CACNA1D: variants seen among roughly 807,000 people sequenced by gnomAD.
CACNA1D encodes calcium voltage-gated channel subunit alpha1 D.
CACNA1D carries 55 observed loss-of-function variants against 257.1 expected under a neutral mutation model. That is an observed-to-expected ratio of 0.21 (90% CI 0.17 to 0.27). CACNA1D has a LOEUF of 0.27. Among genes scored for constraint, CACNA1D ranks in the 10% least tolerant of loss-of-function variants. The pLI is 1.00. For missense variants in CACNA1D, 1,876 were observed against 2,784.0 expected (o/e 0.67, Z 7.34); for synonymous variants, 980 against 1,014.9 (o/e 0.97, Z 0.65).
chr3:53,694,988 C>T (rs976497698), intron 8 of CACNA1D, among the ~76,000 whole-genome samples: 2 of 152,142 alleles, frequency 1.3e-5, no homozygotes, highest in Non-Finnish European at 2.9e-5. Flanking sequence ...GAGTATGGGG[C>T]GCATACCATT....
intron 9 of CACNA1D, among the ~76,000 whole-genome samples, chr3:53,711,598 A>C (rs2612012): frequency 0.29 from 44,104 of 152,150 alleles, 6,702 homozygotes; most frequent in African/African-American, 0.37. Context: ...AGATTCAGAC[A>C]GCAGGGACGT....
chr3:53,770,286 T>C (rs927259426), intron 31 of CACNA1D, 138 bp from the exon 32 acceptor site: 2 of 902,382 alleles, frequency 2.2e-6, no homozygotes, highest in East Asian at 2.4e-5. Context: ...TTTCATATCA[T>C]GCTTTTTAAG....
intron 3 of CACNA1D, among the ~76,000 whole-genome samples, chr3:53,508,617 A>G (rs1225833349): frequency 6.6e-6 from 1 of 152,176 alleles, no homozygotes; most frequent in Non-Finnish European, 1.5e-5. Flanking sequence ...TTTAACAATG[A>G]TTGCATCAGA....
intron 4 of CACNA1D, among the ~76,000 whole-genome samples, chr3:53,655,034 A>G (rs370952187): frequency 6.2e-4 from 94 of 152,258 alleles, no homozygotes; most frequent in African/African-American, 2.2e-3. Context: ...TGTTCTCATC[A>G]TTTAGCTCCT....
chr3:53,571,666 A>G (rs1197822566), intron 3 of CACNA1D, among the ~76,000 whole-genome samples: 1 of 152,180 alleles, frequency 6.6e-6, no homozygotes, highest in Non-Finnish European at 1.5e-5. Context: ...ACAGTTCTCC[A>G]TAGGAACCAA....
intron 27 of CACNA1D, among the ~76,000 whole-genome samples, chr3:53,749,902 C>T (rs377462954): frequency 7.2e-5 from 11 of 152,340 alleles, no homozygotes; most frequent in African/African-American, 2.6e-4. Flanking sequence ...GGTTGTGTTT[C>T]CTGGGCTTTT....
chr3:53,768,602 A>G (rs3774580), intron 30 of CACNA1D, among the ~76,000 whole-genome samples: 40,454 of 152,162 alleles, frequency 0.27, 6,542 homozygotes, highest in Non-Finnish European at 0.37. Context: ...TTTTTGATAA[A>G]CCTGTGGCAG....
At chr3:53,709,035 A>G (rs1048252506) in intron 9 of CACNA1D, among the ~76,000 whole-genome samples, 4 of 152,166 alleles carry the variant, frequency 2.6e-5, no homozygotes, top group African/African-American at 7.2e-5. Flanking sequence ...CCTCTACTTT[A>G]TAGAGGTCTC....
At chr3:53,606,341 C>T (rs990299033) in intron 3 of CACNA1D, among the ~76,000 whole-genome samples, 24 of 152,352 alleles carry the variant, frequency 1.6e-4, no homozygotes, top group African/African-American at 5.0e-4. Flanking sequence ...ATGTCAGTTA[C>T]GATTAATGTG....
At chr3:53,771,835 T>A (rs2095367920) in intron 32 of CACNA1D, among the ~76,000 whole-genome samples, 1 of 152,138 alleles carries the variant, frequency 6.6e-6, no homozygotes, top group African/African-American at 2.4e-5. Context: ...AAAATGCACG[T>A]AGGTATGTTG....
chr3:53,622,629 G>A (rs983906960), intron 3 of CACNA1D, among the ~76,000 whole-genome samples: 2 of 152,096 alleles, frequency 1.3e-5, no homozygotes, highest in African/African-American at 4.8e-5. Context: ...GAGGTTGGAG[G>A]GTAGGGGGCG....
intron 27 of CACNA1D, 106 bp downstream of exon 27, chr3:53,749,575 C>A: frequency 1.2e-6 from 1 of 802,208 alleles, no homozygotes; most frequent in Non-Finnish European, 2.2e-6. Flanking sequence ...CACATACTGT[C>A]TGTCCCTGGG....
At chr3:53,660,777 T>C (rs1297499134) in intron 5 of CACNA1D, among the ~76,000 whole-genome samples, 1 of 151,982 alleles carries the variant, frequency 6.6e-6, no homozygotes, top group African/African-American at 2.4e-5. Flanking sequence ...TACCCAGCTC[T>C]GGGGGAAGGG....
At chr3:53,706,188 G>C (rs1045219222) in intron 9 of CACNA1D, among the ~76,000 whole-genome samples, 3 of 152,224 alleles carry the variant, frequency 2.0e-5, no homozygotes, top group African/African-American at 7.2e-5. Flanking sequence ...GCCCTTTTCA[G>C]CTGGGTCCTG....
intron 20 of CACNA1D, among the ~76,000 whole-genome samples, chr3:53,737,455 A>G (rs945385053): frequency 6.6e-6 from 1 of 152,214 alleles, no homozygotes; most frequent in East Asian, 1.9e-4. Flanking sequence ...ACCATTTTAT[A>G]TCAGAGACTT....
chr3:53,540,365 A>G (rs1354494571), intron 3 of CACNA1D, among the ~76,000 whole-genome samples: 2 of 151,836 alleles, frequency 1.3e-5, no homozygotes, highest in Admixed American at 6.6e-5. Context: ...ACCTCAAGCA[A>G]TCTGCCCACC....
intron 3 of CACNA1D, among the ~76,000 whole-genome samples, chr3:53,524,514 G>A (rs2091691292): frequency 6.6e-6 from 1 of 152,224 alleles, no homozygotes; most frequent in African/African-American, 2.4e-5. Context: ...TTAAAAACAG[G>A]TTGAAAATGT....
intron 3 of CACNA1D, among the ~76,000 whole-genome samples, chr3:53,561,154 T>C (rs2092731399): frequency 6.6e-6 from 1 of 152,220 alleles, no homozygotes; most frequent in Non-Finnish European, 1.5e-5. Flanking sequence ...ATGACTAAAC[T>C]GGGATTTGTA....
chr3:53,719,769 A>C lies in CACNA1D; in HGVS notation c.1493A>C (p.Lys498Thr), dbSNP rs777069958. The C allele has an allele frequency of 6.2e-7, 1 of 1,614,034 alleles. No homozygotes were observed. The highest frequency in any genetic ancestry group is 8.5e-7 in the Non-Finnish European group (1 of 1,179,896). The stretch of plus-strand genomic sequence containing the variant: ...CTTTCTTTCAGTCAAGCCATCTCAA[A>C]ATCCAAACTCAGGTCAGTATCTTCT... ...CCGSLCQAIS[K>T]SKLSRRWRRW... The change falls in exon 11 of 48, where the codon AAA (lysine) becomes ACA (threonine). Residue 498 changes from lysine to threonine, a missense_variant. This residue lies in a region of CACNA1D where 257 missense variants were observed against 399.7 expected (regional missense o/e 0.64). Coordinates refer to ENST00000350061, the MANE Select transcript of CACNA1D (RefSeq NM_001128840.3).
Sources: allele counts gnomAD v4.1 joint callset (sites outside exome capture counted in the v4.1 genomes callset), GRCh38; gene constraint gnomAD v4.1.1; regional missense constraint gnomAD v4.1.1; transcripts MANE v1.5; gene names NCBI Gene and HGNC (gene_info 2026-07-23, HGNC 2026-07-21).